Variants in PRUNE2 observed in about 807,000 individuals in gnomAD.
PRUNE2 encodes the protein prune homolog 2 with BCH domain.
PRUNE2 carries 164 observed loss-of-function variants against 252.0 expected under a neutral mutation model. The observed-to-expected ratio is 0.65, with a 90% CI of 0.57 to 0.74. The LOEUF is 0.74. Ranked by LOEUF, PRUNE2 falls within the 30% of genes least tolerant of loss-of-function variation. The probability of loss-of-function intolerance (pLI) is 0.00; values close to 1 mark genes in which losing one functional copy is unlikely to be tolerated. For synonymous variants in PRUNE2, 1,292 were observed against 1,350.2 expected, an observed-to-expected ratio of 0.96 and a Z score of 0.94; for missense variants, 3,495 against 3,711.0, an observed-to-expected ratio of 0.94 and a Z score of 1.51.
Position 76,808,178 on chromosome 9 carries a change from T to C in PRUNE2, c.756+15454A>G, listed in dbSNP as rs541873068. On this transcript the variant is annotated intron_variant, in intron 6 of 18. Transcript: ENST00000376718. The stretch of plus-strand genomic sequence containing the variant: ...GGGCAACAGAGTAAGCGAAACTCTG[T>C]GTCAAAAAACAAAAACAAAAACACC... Among the ~76,000 whole-genome samples the C allele has an allele frequency of 1.5e-3, 231 of 152,168 alleles. 8 individuals carry two copies. In the South Asian group the frequency reaches 0.047, roughly 31 times the overall value.
intron 1 of PRUNE2, among the ~76,000 whole-genome samples, chr9:76,873,204 A>C (rs1344776911): frequency 6.6e-6 from 1 of 152,140 alleles, no homozygotes. Flanking sequence ...TCTGTTGTTT[A>C]AGCCACTCCA....
At chr9:76,870,673 G>C (rs533801754) in intron 1 of PRUNE2, among the ~76,000 whole-genome samples, 2 of 146,942 alleles carry the variant, frequency 1.4e-5, no homozygotes, top group Admixed American at 1.4e-4. Flanking sequence ...GTGACAGAGC[G>C]AGATTCTGTC....
chr9:76,866,820 G>C (rs576659400), intron 1 of PRUNE2, among the ~76,000 whole-genome samples: 20 of 152,118 alleles, frequency 1.3e-4, no homozygotes, highest in Admixed American at 8.5e-4. Flanking sequence ...GGAAGAGAGG[G>C]AGGGAAGTAG....
chr9:76,744,987 C>A lies in PRUNE2; in HGVS notation c.757-31266G>T, dbSNP rs566986536. Among the ~76,000 whole-genome samples the A allele has an allele frequency of 1.4e-4, 21 of 152,340 alleles. No individual in the cohort carries two copies. In the South Asian group the frequency reaches 3.9e-3, roughly 29 times the overall value. ...CCAAGGTCAAGCCCTAGACTTTCCC[C>A]ACCAAGCCTTACCATGACCATACAT... is the stretch of plus-strand genomic sequence containing the variant. On this transcript the variant is annotated intron_variant, in intron 6 of 18. Transcript: ENST00000376718.
At chr9:76,875,515 G>A (rs978786800) in intron 1 of PRUNE2, among the ~76,000 whole-genome samples, 13 of 152,014 alleles carry the variant, frequency 8.6e-5, no homozygotes, top group Admixed American at 2.0e-4. Context: ...ACAGACACGT[G>A]CCACCATGCC....
intron 6 of PRUNE2, among the ~76,000 whole-genome samples, chr9:76,727,692 A>T (rs1453647475): frequency 1.4e-4 from 8 of 57,656 alleles, no homozygotes; most frequent in African/African-American, 2.4e-4. Context: ...ATTCCAACTT[A>T]GTTATGGGTA....
chr9:76,615,042 C>T (rs1005669962), intron 18 of PRUNE2: 1 of 941,404 alleles, frequency 1.1e-6, no homozygotes, highest in Admixed American at 6.1e-5. Flanking sequence ...AACAACAAAA[C>T]AACACCAAAC....
chr9:76,768,583 ATGTGTGTGTGTGTGTGTG>A (rs55793596), intron 6 of PRUNE2, among the ~76,000 whole-genome samples: 3 of 103,244 alleles, frequency 2.9e-5, no homozygotes, highest in Non-Finnish European at 6.5e-5. Flanking sequence ...ATGTATATGT[ATGTGTGTGTGTGTGTGTG>A]TGTGTGTGTG....
At chr9:76,828,718 T>C (rs1307757193) in intron 4 of PRUNE2, among the ~76,000 whole-genome samples, 1 of 152,138 alleles carries the variant, frequency 6.6e-6, no homozygotes, top group Non-Finnish European at 1.5e-5. Context: ...ACTCATACTA[T>C]AAAGATTATT....
rs973687565 is a variant in PRUNE2 at position 76,707,727 on chromosome 9, T to C, written c.4547A>G (p.Lys1516Arg). 3 of 1,613,784 alleles carry C rather than the reference T, an allele frequency of 1.9e-6. No individual in the cohort carries two copies. Among genetic ancestry groups the C allele is most frequent in the Non-Finnish European group, 2.5e-6 (3 of 1,179,872 alleles). Residue 1516 changes from lysine (K) to arginine (R), a missense_variant, in exon 8 of 19, where the codon AAG becomes AGG. Physicochemically the swap from Lys to Arg is conservative, Grantham distance 26. Coordinates refer to ENST00000376718, the MANE Select transcript of PRUNE2 (RefSeq NM_015225.3). ...CSEITKNLDV[K>R]GSENSLPGAG... is the part of the protein sequence containing the mutation. The stretch of plus-strand genomic sequence containing the variant: ...TCCTGGAAGGCTATTTTCAGACCCC[T>C]TAACGTCAAGATTTTTGGTTATCTC...
At chr9:76,861,685 A>T (rs933298087) in intron 1 of PRUNE2, among the ~76,000 whole-genome samples, 4 of 152,180 alleles carry the variant, frequency 2.6e-5, no homozygotes, top group African/African-American at 9.7e-5. Context: ...AGTTTTCTCA[A>T]ATCGAGTGAC....
chr9:76,841,555 A>G (rs967435151), intron 4 of PRUNE2, among the ~76,000 whole-genome samples: 1 of 152,234 alleles, frequency 6.6e-6, no homozygotes, highest in South Asian at 2.1e-4. Context: ...CCAGCAAGCT[A>G]AGATCCACTG....
At chr9:76,647,747 G>A (rs571668337) in intron 11 of PRUNE2, among the ~76,000 whole-genome samples, 2 of 152,162 alleles carry the variant, frequency 1.3e-5, no homozygotes, top group Admixed American at 6.5e-5. Flanking sequence ...GGTGGATCAC[G>A]AGGTCAGGAG....
intron 9 of PRUNE2, among the ~76,000 whole-genome samples, chr9:76,665,960 T>C (rs1322233137): frequency 1.3e-5 from 2 of 152,230 alleles, no homozygotes; most frequent in African/African-American, 4.8e-5. Flanking sequence ...TGATTATATA[T>C]GAATATCATT....
rs750676373 is a variant in PRUNE2, at chr9:76,612,420, T to C, written c.*2150A>G. ...ACTGAACACTGGATTTTTCATTACTTCCTGTGACAGGGTGACCATGGAATT... is the reference window on the plus strand; with the variant it reads ...ACTGAACACTGGATTTTTCATTACTCCCTGTGACAGGGTGACCATGGAATT... On this transcript the variant is annotated 3_prime_UTR_variant, in exon 19 of 19. Transcript: ENST00000376718. The C allele has an allele frequency of 1.3e-5, 2 of 152,204 alleles. No homozygotes were observed. The highest frequency in any genetic ancestry group is 1.3e-4 in the Admixed American group (2 of 15,282). 9.4% of individuals were successfully genotyped at this position (152,204 alleles called of 1,614,324 possible).
chr9:76,715,091 C>A (rs1007996989), intron 6 of PRUNE2, among the ~76,000 whole-genome samples: 2 of 152,170 alleles, frequency 1.3e-5, no homozygotes, highest in African/African-American at 4.8e-5. Context: ...TAAAACAACA[C>A]AGAAATGTGT....
At chr9:76,643,503 G>C (rs478792) in intron 12 of PRUNE2, among the ~76,000 whole-genome samples, 73,396 of 152,060 alleles carry the variant, frequency 0.48, 19,533 homozygotes, top group Middle Eastern at 0.64. Flanking sequence ...AAACAAAAGG[G>C]TTGACTCTAC....
At chr9:76,873,312 T>C (rs1418098955) in intron 1 of PRUNE2, among the ~76,000 whole-genome samples, 2 of 152,174 alleles carry the variant, frequency 1.3e-5, no homozygotes, top group Non-Finnish European at 2.9e-5. Context: ...TTTGTATATG[T>C]TTTAGATTTT....
intron 6 of PRUNE2, among the ~76,000 whole-genome samples, chr9:76,715,210 A>G (rs558346468): frequency 7.2e-5 from 11 of 152,296 alleles, no homozygotes; most frequent in African/African-American, 2.4e-4. Context: ...ATTAATGTCT[A>G]TGTGGTCATT....
Sources: gnomAD v4.1 joint callset for allele counts (sites outside exome capture counted in the v4.1 genomes callset) on GRCh38, gnomAD v4.1.1 for gene constraint, MANE v1.5 for transcripts, NCBI Gene and HGNC (gene_info 2026-07-23, HGNC 2026-07-21) for gene names.